EGFR: variants seen among roughly 807,000 people sequenced by gnomAD.
EGFR encodes epidermal growth factor receptor.
A neutral mutation model predicts 143.0 loss-of-function variants in EGFR; 58 were observed. That is an observed-to-expected ratio of 0.41 (90% CI 0.33 to 0.50). The LOEUF is 0.50. EGFR is among the 20% of genes least tolerant of loss of function. EGFR has a pLI of 0.39. For missense variants in EGFR, 1,307 were observed against 1,579.0 expected, an observed-to-expected ratio of 0.83 and a Z score of 2.92; for synonymous variants, 613 against 594.4, an observed-to-expected ratio of 1.03 and a Z score of -0.45.
chr7:55,174,504 T>C (rs573266027), intron 18 of EGFR, among the ~76,000 whole-genome samples: 2 of 152,378 alleles, frequency 1.3e-5, no homozygotes, highest in African/African-American at 4.8e-5. Context: ...CTTGAGATTC[T>C]TTTATCTAAA....
At chr7:55,099,527 A>G (rs953955703) in intron 1 of EGFR, among the ~76,000 whole-genome samples, 2 of 152,186 alleles carry the variant, frequency 1.3e-5, no homozygotes, top group Non-Finnish European at 2.9e-5. Context: ...GGAGGGGGGA[A>G]TTCGGGAGCT....
chr7:55,197,773 T>C (rs1421957440), intron 22 of EGFR, among the ~76,000 whole-genome samples: 2 of 152,246 alleles, frequency 1.3e-5, no homozygotes, highest in Middle Eastern at 6.3e-3. Context: ...CTTTTGTCCT[T>C]AGTTCTGTTT....
chr7:55,138,879 C>T (rs930082647), intron 1 of EGFR, among the ~76,000 whole-genome samples: 3 of 152,154 alleles, frequency 2.0e-5, no homozygotes, highest in African/African-American at 7.2e-5. Context: ...TGGTGAGGGC[C>T]TTCATGCTGT....
At chr7:55,084,974 G>A (rs7785013) in intron 1 of EGFR, among the ~76,000 whole-genome samples, 29,158 of 152,004 alleles carry the variant, frequency 0.19, 3,217 homozygotes, top group African/African-American at 0.29. Flanking sequence ...CTCAGTGAGC[G>A]GAGAGTCAAC....
intron 1 of EGFR, among the ~76,000 whole-genome samples, chr7:55,128,962 A>G (rs990698921): frequency 7.9e-5 from 12 of 152,240 alleles, no homozygotes; most frequent in Non-Finnish European, 2.9e-5. Context: ...TTGAAAACTT[A>G]TATATGATGT....
intron 1 of EGFR, among the ~76,000 whole-genome samples, chr7:55,070,244 T>C (rs1339200278): frequency 6.6e-6 from 1 of 152,202 alleles, no homozygotes; most frequent in African/African-American, 2.4e-5. Flanking sequence ...TCTGGGTTTT[T>C]TCCTTGCTTT....
Position 55,029,099 on chromosome 7 carries a change from C to A in EGFR, c.88+9734C>A, listed in dbSNP as rs117841511. Among the ~76,000 whole-genome samples the A allele has an allele frequency of 4.8e-3, 726 of 152,216 alleles. 5 individuals are homozygous for A. The highest frequency in any genetic ancestry group is 0.03 in the South Asian group (145 of 4,820). On this transcript the variant is annotated intron_variant, in intron 1 of 27. Coordinates refer to ENST00000275493, the MANE Select transcript of EGFR (RefSeq NM_005228.5). ...ACTTAAACCTGGAAGGCAGGGGTTG[C>A]AGTGAGCTGAGATCACACCACTACA...
chr7:55,207,970 A>G lies in EGFR; in HGVS notation c.*2353A>G, dbSNP rs1040458988. 6.6e-6 allele frequency: 1 copy of G among 152,256 alleles called. No individual in the cohort carries two copies. Among genetic ancestry groups the G allele is most frequent in the African/African-American group, 2.4e-5 (1 of 41,462 alleles). 9.4% of individuals were successfully genotyped at this position (152,256 alleles called of 1,614,324 possible). On this transcript the variant is annotated 3_prime_UTR_variant, in exon 28 of 28. Coordinates refer to ENST00000275493, the MANE Select transcript of EGFR (RefSeq NM_005228.5). ...TACATTCTGCTGTCACTTATGTGTC[A>G]AGAAGCAGATGATCGATGAGGCAGG... is the stretch of plus-strand genomic sequence containing the variant.
At chr7:55,079,707 C>T (rs748547055) in intron 1 of EGFR, among the ~76,000 whole-genome samples, 3 of 152,138 alleles carry the variant, frequency 2.0e-5, no homozygotes, top group Admixed American at 6.5e-5. Context: ...CCCGGGCCTG[C>T]TGGCTTCATA....
At chr7:55,035,082 C>T (rs1234193299) in intron 1 of EGFR, among the ~76,000 whole-genome samples, 2 of 152,072 alleles carry the variant, frequency 1.3e-5, no homozygotes, top group African/African-American at 4.8e-5. Flanking sequence ...AAGTGGCCTT[C>T]GAGCTTAACA....
intron 1 of EGFR, among the ~76,000 whole-genome samples, chr7:55,070,992 G>A (rs944668325): frequency 4.5e-4 from 68 of 152,204 alleles, no homozygotes; most frequent in Non-Finnish European, 1.6e-4. Flanking sequence ...GGCTGTTTCA[G>A]TGGCTCAGAG....
chr7:55,132,810 G>T (rs1793929767), intron 1 of EGFR, among the ~76,000 whole-genome samples: 2 of 152,142 alleles, frequency 1.3e-5, no homozygotes, highest in Admixed American at 1.3e-4. Flanking sequence ...ATCCTTAGCA[G>T]CTACCTTCGC....
At position 55,152,564 on chromosome 7, in the gene EGFR, C is replaced by T. The variant is rs1372330611; in HGVS notation, c.647C>T (p.Ala216Val). 2 of 1,614,010 alleles carry T rather than the reference C, an allele frequency of 1.2e-6. No homozygotes were observed. The highest frequency in any genetic ancestry group is 1.7e-6 in the Non-Finnish European group (2 of 1,180,030). Residue 216 changes from alanine (A) to valine (V), a missense_variant, in exon 6 of 28, where the codon GCC becomes GTC. By Grantham distance (64) the Ala-to-Val change is moderately conservative (BLOSUM62 0). Transcript: ENST00000275493. ...NCQKLTKIIC[A>V]QQCSGRCRGK... ...TTTTCAGTGACCAAAATCATCTGTG[C>T]CCAGCAGTGCTCCGGGCGCTGCCGT...
chr7:55,147,084 C>A (rs1794806798), intron 4 of EGFR, among the ~76,000 whole-genome samples: 1 of 152,220 alleles, frequency 6.6e-6, no homozygotes, highest in South Asian at 2.1e-4. Flanking sequence ...CAGACTCCTA[C>A]ATGCTTCTGA....
At chr7:55,122,336 T>C (rs1793256805) in intron 1 of EGFR, among the ~76,000 whole-genome samples, 2 of 152,174 alleles carry the variant, frequency 1.3e-5, no homozygotes, top group South Asian at 2.1e-4. Flanking sequence ...ATCGTTAGTG[T>C]TCCCTCACTC....
intron 6 of EGFR, 152 bp from the exon 7 acceptor site, chr7:55,153,859 C>T (rs761707239): frequency 2.5e-6 from 3 of 1,184,342 alleles, no homozygotes; most frequent in Non-Finnish European, 2.4e-6. Flanking sequence ...GCAGAGGGCG[C>T]CAGCTGGGTT....
rs974831867 is a variant in EGFR at position 55,027,103 on chromosome 7, G to T, written c.88+7738G>T. Among the ~76,000 whole-genome samples the T allele has an allele frequency of 5.3e-5, 8 of 152,288 alleles. No individual in the cohort carries two copies. In the South Asian group the frequency reaches 1.0e-3, roughly 20 times the overall value. The stretch of plus-strand genomic sequence containing the variant: ...ATACTCCAGGCACATCGCATGCTGG[G>T]ATCTAGATACACCAAGGGAACAAAA... On this transcript the variant is annotated intron_variant, in intron 1 of 27. Coordinates refer to ENST00000275493, the MANE Select transcript of EGFR (RefSeq NM_005228.5).
chr7:55,174,135 A>G lies in EGFR; in HGVS notation c.2184+92A>G, dbSNP rs1786486134. The G allele has an allele frequency of 2.6e-6, 4 of 1,549,072 alleles. No homozygotes were observed. In the African/African-American group the frequency reaches 5.5e-5, roughly 21 times the overall value. On this transcript the variant is annotated intron_variant, in intron 18 of 27. Coordinates refer to ENST00000275493, the MANE Select transcript of EGFR (RefSeq NM_005228.5). ...GAGTCCTTGCAAGCTGTATATTTCC[A>G]TCATCTACTTTACTCTTTGTTTCAC...
chr7:55,071,998 G>A (rs1448809695), intron 1 of EGFR, among the ~76,000 whole-genome samples: 2 of 152,110 alleles, frequency 1.3e-5, no homozygotes, highest in Non-Finnish European at 2.9e-5. Flanking sequence ...GTACTGCAGA[G>A]AAAATGGAGT....
Sources: gnomAD v4.1 joint callset for allele counts (sites outside exome capture counted in the v4.1 genomes callset) on GRCh38, gnomAD v4.1.1 for gene constraint, MANE v1.5 for transcripts, NCBI Gene and HGNC (gene_info 2026-07-23, HGNC 2026-07-21) for gene names.